The following SKAP1 variants were observed in gnomAD, a reference collection of about 807,000 sequenced individuals.
SKAP1 encodes the protein src kinase associated phosphoprotein 1, also known as src kinase-associated phosphoprotein 1.
Under a neutral mutation model 58.5 loss-of-function variants are expected in SKAP1, and 44 were observed. The observed-to-expected ratio is 0.75, with a 90% CI of 0.59 to 0.97. The LOEUF is 0.97. Ranked by LOEUF, SKAP1 falls within the 50% of genes least tolerant of loss-of-function variation. The probability of loss-of-function intolerance (pLI) is 0.00; values close to 1 mark genes in which losing one functional copy is unlikely to be tolerated. For synonymous variants in SKAP1, 127 were observed against 149.7 expected (o/e 0.85, Z 1.11); for missense variants, 390 against 435.2 (o/e 0.90, Z 0.92).
intron 2 of SKAP1, among the ~76,000 whole-genome samples, chr17:48,369,740 T>A (rs990582682): frequency 2.6e-5 from 4 of 152,174 alleles, no homozygotes; most frequent in African/African-American, 9.7e-5. Flanking sequence ...ATAAGAAAAC[T>A]GAGGCATCAA....
intron 3 of SKAP1, among the ~76,000 whole-genome samples, 193 bp downstream of exon 3, chr17:48,363,596 G>A (rs1334986903): frequency 6.6e-6 from 1 of 152,210 alleles, no homozygotes; most frequent in Non-Finnish European, 1.5e-5. Context: ...GAAGGAGGAA[G>A]CATAGAGCTT....
intron 8 of SKAP1, among the ~76,000 whole-genome samples, chr17:48,180,518 G>T (rs2064354001): frequency 6.6e-6 from 1 of 152,132 alleles, no homozygotes; most frequent in Admixed American, 6.5e-5. Flanking sequence ...TGAAAAGTAT[G>T]GGTGTGTGAA....
intron 4 of SKAP1, among the ~76,000 whole-genome samples, chr17:48,261,840 A>G (rs1020403233): frequency 2.7e-5 from 4 of 149,884 alleles, no homozygotes; most frequent in Non-Finnish European, 5.9e-5. Context: ...CCATACACAC[A>G]ATGAAAGAAT....
rs1281796052 is a variant in SKAP1, at chr17:48,193,594, T to C, written c.281-4094A>G. The C allele has an allele frequency of 5.7e-6, 4 of 705,876 alleles. No individual in the cohort carries two copies. In the Admixed American group the frequency reaches 1.9e-4, roughly 33 times the overall value. 43.7% of individuals were successfully genotyped at this position (705,876 alleles called of 1,614,324 possible). A position where few individuals can be genotyped will look rare whatever the true frequency, so the allele number is the denominator to read the frequency against. On this transcript the variant is annotated intron_variant, in intron 4 of 12. Transcript: ENST00000336915. ...TCTGAGCTCAATCTCATTAGCTCCATGATCTATCTGACAAATCCAAATAAC... is the reference window on the plus strand; with the variant it reads ...TCTGAGCTCAATCTCATTAGCTCCACGATCTATCTGACAAATCCAAATAAC...
chr17:48,239,844 G>C (rs201199881), intron 4 of SKAP1, among the ~76,000 whole-genome samples: 15,661 of 108,628 alleles, frequency 0.14, 796 homozygotes, highest in East Asian at 0.31. Context: ...GAGAGAGAGA[G>C]AGAGACAGAG....
At chr17:48,405,714 T>C (rs2067573648) in intron 1 of SKAP1, among the ~76,000 whole-genome samples, 1 of 151,608 alleles carries the variant, frequency 6.6e-6, no homozygotes, top group African/African-American at 2.4e-5. Flanking sequence ...TTGACCAGGC[T>C]GGACTTGAAC....
intron 11 of SKAP1, among the ~76,000 whole-genome samples, chr17:48,147,933 G>C (rs2063851521): frequency 6.7e-6 from 1 of 148,564 alleles, no homozygotes; most frequent in Admixed American, 6.7e-5. Flanking sequence ...TGTGAGAAGG[G>C]GGACATGGGA....
intron 1 of SKAP1, among the ~76,000 whole-genome samples, chr17:48,397,242 G>T (rs1456207559): frequency 6.6e-6 from 1 of 152,060 alleles, no homozygotes; most frequent in Non-Finnish European, 1.5e-5. Flanking sequence ...TCTTTTAGGG[G>T]GGGGATGGAG....
At chr17:48,420,896 C>T (rs1031657534) in intron 1 of SKAP1, among the ~76,000 whole-genome samples, 13 of 152,170 alleles carry the variant, frequency 8.5e-5, no homozygotes, top group African/African-American at 2.2e-4. Flanking sequence ...AGCACCCTCC[C>T]GAGCTGTAAC....
chr17:48,299,118 C>T lies in SKAP1; in HGVS notation c.280+46787G>A, dbSNP rs187490481. On this transcript the variant is annotated intron_variant, in intron 4 of 12. Coordinates refer to ENST00000336915, the MANE Select transcript of SKAP1 (RefSeq NM_003726.4). ...CATTTTCATTTCATGTGGGTGATCA[C>T]AGAATGTTGGCATTTCAGCATAAAC... Among the ~76,000 whole-genome samples, 72 of 152,268 alleles carry T rather than the reference C, an allele frequency of 4.7e-4. 1 individual carries two copies. Among genetic ancestry groups the T allele is most frequent in the Admixed American group, 1.3e-3 (20 of 15,294 alleles).
chr17:48,408,716 T>C (rs571136887), intron 1 of SKAP1, among the ~76,000 whole-genome samples: 81 of 152,354 alleles, frequency 5.3e-4, no homozygotes, highest in African/African-American at 1.9e-3. Flanking sequence ...ATGGTATTTA[T>C]ATCTACTAGT....
intron 4 of SKAP1, among the ~76,000 whole-genome samples, chr17:48,252,850 C>T (rs1467461861): frequency 6.6e-6 from 1 of 151,886 alleles, no homozygotes; most frequent in East Asian, 1.9e-4. Context: ...TCAAGTTTTC[C>T]TAATTGCATC....
Position 48,137,232 on chromosome 17 carries a change from G to A in SKAP1, c.*4C>T. ...TCATTGGCCATGGTTCTGATACCTG[G>A]GTTTCATCTTTCTTCCACTTCAAAG... On this transcript the variant is annotated 3_prime_UTR_variant, in exon 12 of 13. Coordinates refer to ENST00000336915, the MANE Select transcript of SKAP1 (RefSeq NM_003726.4). 6.2e-7 allele frequency: 1 copy of A among 1,605,140 alleles called. No individual in the cohort carries two copies. Among genetic ancestry groups the A allele is most frequent in the Non-Finnish European group, 8.5e-7 (1 of 1,172,066 alleles).
At chr17:48,413,523 A>AAAAAAAAAAAAAAAAAATATATAT in intron 1 of SKAP1, among the ~76,000 whole-genome samples, 1 of 105,454 alleles carries the variant, frequency 9.5e-6, no homozygotes, top group Non-Finnish European at 1.9e-5. Context: ...TCAAAAAAAA[A>AAAAAAAAAAAAAAAAAATATATAT]ATATATATAT....
intron 4 of SKAP1, among the ~76,000 whole-genome samples, chr17:48,259,661 A>C (rs2065464813): frequency 6.6e-6 from 1 of 152,184 alleles, no homozygotes; most frequent in East Asian, 1.9e-4. Flanking sequence ...TACAATTATC[A>C]TAGAAGAAGA....
intron 1 of SKAP1, among the ~76,000 whole-genome samples, chr17:48,415,053 T>A (rs993752880): frequency 6.6e-6 from 1 of 152,104 alleles, no homozygotes; most frequent in East Asian, 1.9e-4. Flanking sequence ...GTTGCAAGGG[T>A]TTTTGTTGAT....
intron 4 of SKAP1, among the ~76,000 whole-genome samples, chr17:48,190,729 T>G (rs748274638): frequency 6.6e-6 from 1 of 152,146 alleles, no homozygotes; most frequent in Non-Finnish European, 1.5e-5. Context: ...CTCATGCCTG[T>G]AATCCCAGCA....
intron 8 of SKAP1, among the ~76,000 whole-genome samples, chr17:48,182,039 G>A (rs1432124142): frequency 6.6e-6 from 1 of 152,158 alleles, no homozygotes; most frequent in Admixed American, 6.5e-5. Context: ...GCAACTAGAT[G>A]ACTTTAAGTT....
chr17:48,393,174 A>G (rs2067371526), intron 2 of SKAP1, among the ~76,000 whole-genome samples: 1 of 152,218 alleles, frequency 6.6e-6, no homozygotes, highest in Admixed American at 6.5e-5. Flanking sequence ...AGTTTTTAAG[A>G]AAAGCAATGA....
Sources: gnomAD v4.1 joint callset for allele counts (sites outside exome capture counted in the v4.1 genomes callset) on GRCh38, gnomAD v4.1.1 for gene constraint, MANE v1.5 for transcripts, NCBI Gene and HGNC (gene_info 2026-07-23, HGNC 2026-07-21) for gene names.